The following RIN2 variants were observed in gnomAD, a reference collection of about 807,000 sequenced individuals.
RIN2 encodes the protein Ras and Rab interactor 2.
RIN2 carries 36 observed loss-of-function variants against 78.0 expected under a neutral mutation model. The observed-to-expected ratio is 0.46, with a 90% CI of 0.35 to 0.61. RIN2 has a LOEUF of 0.61. RIN2 is among the 20% of genes least tolerant of loss of function. The pLI, the probability that RIN2 is intolerant of heterozygous loss-of-function variation, is 0.00. For synonymous variants in RIN2, 466 were observed against 466.8 expected, an observed-to-expected ratio of 1.00 and a Z score of 0.02; for missense variants, 1,087 against 1,159.7, an observed-to-expected ratio of 0.94 and a Z score of 0.91.
At chr20:19,868,042 C>T (rs928896774) in intron 2 of RIN2, among the ~76,000 whole-genome samples, 11 of 152,206 alleles carry the variant, frequency 7.2e-5, no homozygotes, top group Admixed American at 1.3e-4. Flanking sequence ...CACAAAGAGC[C>T]GAACCAAGCT....
intron 2 of RIN2, among the ~76,000 whole-genome samples, chr20:19,845,689 C>T (rs893917579): frequency 6.6e-6 from 1 of 151,830 alleles, no homozygotes; most frequent in Non-Finnish European, 1.5e-5. Flanking sequence ...CCTGTTCACT[C>T]TGATGATAGT....
chr20:19,857,534 A>G (rs2037205535), intron 2 of RIN2, among the ~76,000 whole-genome samples: 1 of 152,190 alleles, frequency 6.6e-6, no homozygotes, highest in Non-Finnish European at 1.5e-5. Flanking sequence ...GCAAGCATAG[A>G]TATTAGTAGA....
At chr20:19,764,918 G>GCTTTTTTTTTTTTTTTTTTT (rs2033804608) in intron 1 of RIN2, among the ~76,000 whole-genome samples, 1 of 50,362 alleles carries the variant, frequency 2.0e-5, no homozygotes, top group Non-Finnish European at 3.6e-5. Flanking sequence ...CACTTTCTGC[G>GCTTTTTTTTTTTTTTTTTTT]TTTTTTTTTT....
chr20:19,835,045 AAAAGACAGAAAGAAAGAGAAAAAGAG>A (rs1205692456), intron 2 of RIN2, among the ~76,000 whole-genome samples: 1 of 151,826 alleles, frequency 6.6e-6, no homozygotes, highest in Non-Finnish European at 1.5e-5. Context: ...AAGAGAAAGA[AAAAGACAGAAAGAAAGAGAAAAAGAG>A]AAAGAGAAAG....
intron 11 of RIN2, among the ~76,000 whole-genome samples, chr20:19,996,345 A>G (rs2042964603): frequency 1.3e-5 from 2 of 151,660 alleles, no homozygotes; most frequent in Admixed American, 1.3e-4. Flanking sequence ...CAAACAAACA[A>G]AAAAAACACT....
intron 2 of RIN2, among the ~76,000 whole-genome samples, chr20:19,853,246 T>G (rs917814541): frequency 1.3e-5 from 2 of 152,078 alleles, no homozygotes; most frequent in Admixed American, 1.3e-4. Context: ...TATTCCATGG[T>G]GTGTATGTGT....
chr20:19,924,985 C>T (rs939070053), intron 3 of RIN2, among the ~76,000 whole-genome samples: 19 of 151,110 alleles, frequency 1.3e-4, no homozygotes, highest in Admixed American at 8.6e-4. Flanking sequence ...GTGATCCACC[C>T]GCCTCGGCCT....
intron 1 of RIN2, among the ~76,000 whole-genome samples, chr20:19,764,927 T>TTTTTTTTTTTG (rs2033815792): frequency 8.3e-6 from 1 of 120,028 alleles, no homozygotes; most frequent in Admixed American, 8.4e-5. Context: ...CGTTTTTTTT[T>TTTTTTTTTTTG]TTTTTTTTTT....
chr20:19,903,092 C>CA (rs1184837487), intron 3 of RIN2, among the ~76,000 whole-genome samples: 7 of 151,648 alleles, frequency 4.6e-5, no homozygotes, highest in Non-Finnish European at 1.0e-4. Flanking sequence ...GACTCTGTCT[C>CA]AAAAAAATAA....
chr20:19,979,352 T>A (rs2042375673), intron 9 of RIN2, among the ~76,000 whole-genome samples: 1 of 152,232 alleles, frequency 6.6e-6, no homozygotes, highest in South Asian at 2.1e-4. Context: ...ACTGTGCTTA[T>A]TTAAGTGCTA....
chr20:19,935,871 ATATAATGGC>A (rs879284190), intron 4 of RIN2, among the ~76,000 whole-genome samples: 5 of 152,196 alleles, frequency 3.3e-5, no homozygotes, highest in Non-Finnish European at 5.9e-5. Flanking sequence ...CAAGATAACA[ATATAATGGC>A]TATAAAAAGA....
intron 2 of RIN2, chr20:19,886,857 G>A: frequency 1.3e-6 from 1 of 789,174 alleles, no homozygotes; most frequent in Non-Finnish European, 2.0e-6. Context: ...CATCTGTGGG[G>A]AGGCATGGGG....
Position 19,974,658 on chromosome 20 carries a change from C to T in RIN2, c.633C>T (p.Phe211=). Residue 211 remains phenylalanine, a synonymous_variant, in exon 9 of 13, where the codon TTC becomes TTT. Transcript: ENST00000255006. ...TTCACTGATAATGACTTTCAGATTTCTGGAGCTCCCCAGCTGACAGCAAAC... is the reference window on the plus strand; with the variant it reads ...TTCACTGATAATGACTTTCAGATTTTTGGAGCTCCCCAGCTGACAGCAAAC... ...LEELAQMGLN[F]WSSPADSKPP... The T allele has an allele frequency of 2.5e-6, 4 of 1,610,330 alleles. No homozygotes were observed. Among genetic ancestry groups the T allele is most frequent in the East Asian group, 2.2e-5 (1 of 44,804 alleles).
chr20:19,974,583 T>C, intron 8 of RIN2, 71 bp from the exon 9 acceptor site: 1 of 1,499,654 alleles, frequency 6.7e-7, no homozygotes, highest in Non-Finnish European at 9.1e-7. Flanking sequence ...AGTGTGCTTT[T>C]TTTAATTTGT....
At chr20:19,860,980 C>G (rs1442098511) in intron 2 of RIN2, among the ~76,000 whole-genome samples, 1 of 152,124 alleles carries the variant, frequency 6.6e-6, no homozygotes, top group Non-Finnish European at 1.5e-5. Context: ...CAAAGAACAC[C>G]CTTCTTTCAC....
At chr20:19,936,275 A>AT (rs2146126470) in intron 4 of RIN2, among the ~76,000 whole-genome samples, 1 of 152,314 alleles carries the variant, frequency 6.6e-6, no homozygotes, top group South Asian at 2.1e-4. Context: ...CACACCCAGC[A>AT]TTCTATGATT....
intron 2 of RIN2, among the ~76,000 whole-genome samples, chr20:19,803,179 T>G (rs2035300750): frequency 6.6e-6 from 1 of 152,194 alleles, no homozygotes; most frequent in Non-Finnish European, 1.5e-5. Flanking sequence ...CTGTCTATTT[T>G]CCTCGATTCT....
At chr20:19,823,545 C>T in intron 2 of RIN2, 1 of 1,306,570 alleles carries the variant, frequency 7.7e-7, no homozygotes, top group Non-Finnish European at 1.1e-6. Context: ...GGGCAGTCCC[C>T]AGGATCTCTT....
At chr20:19,860,185 G>A (rs2037288866) in intron 2 of RIN2, among the ~76,000 whole-genome samples, 1 of 152,222 alleles carries the variant, frequency 6.6e-6, no homozygotes, top group Non-Finnish European at 1.5e-5. Flanking sequence ...CACCACCAGA[G>A]AAAACCCTCA....
Sources: gnomAD v4.1 joint callset for allele counts (sites outside exome capture counted in the v4.1 genomes callset) on GRCh38, gnomAD v4.1.1 for gene constraint, MANE v1.5 for transcripts, NCBI Gene and HGNC (gene_info 2026-07-23, HGNC 2026-07-21) for gene names.